C3orf49: variants seen among roughly 807,000 people sequenced by gnomAD.
C3orf49 encodes the protein putative uncharacterized protein C3orf49.
C3orf49 carries 27 observed loss-of-function variants against 13.3 expected under a neutral mutation model. The observed-to-expected ratio is 2.02, with a 90% CI of 1.49 to 2.79. The LOEUF (loss-of-function observed/expected upper bound fraction) is 2.79. Ranked by LOEUF, C3orf49 falls within the 30% of genes most tolerant of loss-of-function variation. The pLI is 0.00. For missense variants in C3orf49, 242 were observed against 134.2 expected, an observed-to-expected ratio of 1.80 and a Z score of -3.97; for synonymous variants, 87 against 47.6, an observed-to-expected ratio of 1.83 and a Z score of -3.40.
At chr3:63,789,464 T>G in the C3orf49 span, among the ~76,000 whole-genome samples, 11 of 152,138 alleles carry the variant, frequency 7.2e-5, no homozygotes, top group African/African-American at 2.7e-4. Context: ...TGAATCTTCA[T>G]TTTGGGACTA....
At chr3:63,811,154 G>C in the C3orf49 span, among the ~76,000 whole-genome samples, 4 of 152,114 alleles carry the variant, frequency 2.6e-5, no homozygotes, top group Non-Finnish European at 5.9e-5. Context: ...GGTCCAAACT[G>C]TTATTTAAGT....
At chr3:63,811,326 A>AG in the C3orf49 span, among the ~76,000 whole-genome samples, 2 of 152,060 alleles carry the variant, frequency 1.3e-5, no homozygotes, top group African/African-American at 4.8e-5. Flanking sequence ...TGGGAGGCCG[A>AG]GGCGAGCGGA....
chr3:63,843,557 T>C (rs959674929), intron 5 of C3orf49, among the ~76,000 whole-genome samples: 3 of 152,132 alleles, frequency 2.0e-5, no homozygotes, highest in Non-Finnish European at 4.4e-5. Flanking sequence ...TTATTCACAA[T>C]AGCCAAGGTA....
chr3:63,835,486 A>AT lies in C3orf49; in HGVS notation c.849+3643dup, dbSNP rs1003165836. The AT allele has an allele frequency of 1.7e-5, 19 of 1,123,038 alleles. No homozygotes were observed. The African/African-American group carries it at 2.0e-4, about 12-fold the overall frequency. 69.6% of individuals were successfully genotyped at this position (1,123,038 alleles called of 1,614,324 possible). Reference sequence around the variant, plus strand: ...TAAGTTACTAGATAGGATTTTTAAAATAAAAAAAGGGCTTATAAGGAGTTA... The same window carrying AT: ...TAAGTTACTAGATAGGATTTTTAAAATTAAAAAAAGGGCTTATAAGGAGTTA... On this transcript the variant is annotated intron_variant, in intron 5 of 6. Transcript: ENST00000295896.
chr3:63,780,237 G>A, the C3orf49 span, among the ~76,000 whole-genome samples: 5 of 152,060 alleles, frequency 3.3e-5, no homozygotes, highest in African/African-American at 1.2e-4. Context: ...GAGAACATGC[G>A]CTGTTTGGTT....
upstream of C3orf49, among the ~76,000 whole-genome samples, chr3:63,815,410 C>T (rs542128892): frequency 6.6e-6 from 1 of 152,262 alleles, no homozygotes; most frequent in South Asian, 2.1e-4. Context: ...GACTTTTCAA[C>T]ACTCACTTTT....
chr3:63,838,151 T>G (rs912760048), intron 5 of C3orf49: 2 of 1,269,858 alleles, frequency 1.6e-6, no homozygotes, highest in African/African-American at 3.0e-5. Context: ...TAACCTCTAT[T>G]GGTAACAAAA....
upstream of C3orf49, among the ~76,000 whole-genome samples, chr3:63,815,186 A>T (rs1487566424): frequency 6.6e-6 from 1 of 152,216 alleles, no homozygotes; most frequent in Non-Finnish European, 1.5e-5. Context: ...AACACTGGCA[A>T]TTACATTTCA....
At chr3:63,807,683 C>G in the C3orf49 span, among the ~76,000 whole-genome samples, 1 of 151,206 alleles carries the variant, frequency 6.6e-6, no homozygotes, top group East Asian at 1.9e-4. Context: ...ATGGTGAAAC[C>G]CTGTCTCTAC....
At chr3:63,784,409 A>T in the C3orf49 span, among the ~76,000 whole-genome samples, 1 of 152,260 alleles carries the variant, frequency 6.6e-6, no homozygotes, top group African/African-American at 2.4e-5. Context: ...TCCCAGAGTG[A>T]TTTATGAAAT....
chr3:63,835,498 CT>C, intron 5 of C3orf49: 1 of 977,858 alleles, frequency 1.0e-6, no homozygotes. Context: ...AAAAAAAGGG[CT>C]TATAAGGAGT....
At chr3:63,788,351 G>A in the C3orf49 span, among the ~76,000 whole-genome samples, 1 of 152,162 alleles carries the variant, frequency 6.6e-6, no homozygotes, top group Non-Finnish European at 1.5e-5. Flanking sequence ...TATTCTGCTG[G>A]TCTCATGGAA....
At chr3:63,799,390 C>T in the C3orf49 span, among the ~76,000 whole-genome samples, 2 of 152,122 alleles carry the variant, frequency 1.3e-5, no homozygotes, top group South Asian at 4.2e-4. Context: ...ATTCAAGTTG[C>T]CTGGAGCAAG....
chr3:63,781,464 G>T, the C3orf49 span, among the ~76,000 whole-genome samples: 1 of 152,112 alleles, frequency 6.6e-6, no homozygotes, highest in African/African-American at 2.4e-5. Context: ...GATTGACTTG[G>T]CAATGCGGGC....
chr3:63,827,676 G>C lies in C3orf49; in HGVS notation c.521G>C (p.Arg174Thr). Residue 174 changes from arginine (R) to threonine (T), a missense_variant, in exon 3 of 7, where the codon AGA becomes ACA. Arg to Thr is a moderately conservative substitution (Grantham distance 71). Coordinates refer to ENST00000295896, the MANE Select transcript of C3orf49 (RefSeq NM_001355236.2). Reference sequence around the variant, plus strand: ...GGAAACACACTCCTTCGGGCCAGGAGAACCACCAAGCGGTTATCTGTGACA... The same window carrying C: ...GGAAACACACTCCTTCGGGCCAGGACAACCACCAAGCGGTTATCTGTGACA... ...TQGNTLLRAR[R>T]TTKRLSVTSL... is the part of the protein sequence containing the mutation. 1 of 703,100 alleles carries C rather than the reference G, an allele frequency of 1.4e-6. No homozygotes were observed. Among genetic ancestry groups the C allele is most frequent in the South Asian group, 1.5e-5 (1 of 67,602 alleles). The allele number at this position is 703,100 out of a possible 1,614,324, so 43.6% of individuals were successfully genotyped here.
chr3:63,821,012 C>T (rs998508076), intron 1 of C3orf49, among the ~76,000 whole-genome samples: 2 of 152,120 alleles, frequency 1.3e-5, no homozygotes, highest in African/African-American at 4.8e-5. Flanking sequence ...TGTTCTGATC[C>T]ACATGGTAAT....
chr3:63,834,677 G>GA (rs1701592603), intron 5 of C3orf49, among the ~76,000 whole-genome samples: 3 of 149,820 alleles, frequency 2.0e-5, no homozygotes, highest in African/African-American at 2.4e-5. Context: ...AAAAAGAAAA[G>GA]AAAAAATGGG....
chr3:63,829,335 G>T (rs1433957482), intron 3 of C3orf49, among the ~76,000 whole-genome samples: 2 of 152,006 alleles, frequency 1.3e-5, no homozygotes, highest in East Asian at 3.9e-4. Context: ...ATAATCTTTT[G>T]AACAAATGTT....
At chr3:63,828,400 A>G (rs1017959507) in intron 3 of C3orf49, among the ~76,000 whole-genome samples, 1 of 152,182 alleles carries the variant, frequency 6.6e-6, no homozygotes, top group Admixed American at 6.5e-5. Flanking sequence ...CCTGGGTTTA[A>G]GTGATTCTCT....
Sources: gnomAD v4.1 joint callset for allele counts (sites outside exome capture counted in the v4.1 genomes callset) on GRCh38, gnomAD v4.1.1 for gene constraint, MANE v1.5 for transcripts, NCBI Gene and HGNC (gene_info 2026-07-23, HGNC 2026-07-21) for gene names.